KLRG1: variants seen among roughly 807,000 people sequenced by gnomAD.
KLRG1 encodes killer cell lectin-like receptor subfamily G member 1.
A neutral mutation model predicts 21.8 loss-of-function variants in KLRG1; 16 were observed. The observed-to-expected ratio is 0.73, with a 90% confidence interval of 0.50 to 1.11. KLRG1 has a LOEUF of 1.11. Ranked by LOEUF, KLRG1 falls within the 50% of genes most tolerant of loss-of-function variation. KLRG1 has a pLI of 0.00. For missense variants in KLRG1, 173 were observed against 218.3 expected (o/e 0.79, Z 1.31); for synonymous variants, 69 against 75.9 (o/e 0.91, Z 0.47).
At chr12:9,112,170 G>A in the KLRG1 span, 1 of 1,613,706 alleles carries the variant, frequency 6.2e-7, no homozygotes, top group South Asian at 1.1e-5. Context: ...AACTCATTCA[G>A]GGGGTGAAAG....
rs1362679982 is a variant in KLRG1 at position 8,989,675 on chromosome 12, A to G, written c.40A>G (p.Thr14Ala). 5 of 1,611,138 alleles carry G rather than the reference A, an allele frequency of 3.1e-6. No homozygotes were observed. Among genetic ancestry groups the G allele is most frequent in the East Asian group, 2.2e-5 (1 of 44,844 alleles). ...TATTTATTCCATGTTAGAGTTGCCT[A>G]CGGCAACCCAAGCCCAGAATGACTA... is the stretch of plus-strand genomic sequence containing the variant. The part of the protein sequence containing the change: ...SVIYSMLELP[T>A]ATQAQNDYGP... Residue 14 changes from threonine to alanine, a missense_variant, in exon 1 of 5, where the codon ACG becomes GCG. This residue lies in a region of KLRG1 where 144 missense variants were observed against 161.5 expected (regional missense o/e 0.89). Transcript: ENST00000356986.
the KLRG1 span, chr12:9,194,142 C>A: frequency 5.0e-6 from 8 of 1,613,878 alleles, no homozygotes; most frequent in African/African-American, 9.3e-5. Context: ...AGACCCTGCT[C>A]ATTGGTGGTT....
At chr12:9,185,731 T>C in the KLRG1 span, among the ~76,000 whole-genome samples, 4 of 151,588 alleles carry the variant, frequency 2.6e-5, no homozygotes, top group Non-Finnish European at 4.4e-5. Flanking sequence ...ATCAGACTAA[T>C]GGTGGGCCTC....
the KLRG1 span, chr12:9,091,347 C>A: frequency 1.5e-5 from 25 of 1,614,208 alleles, no homozygotes; most frequent in Non-Finnish European, 2.1e-5. Flanking sequence ...AGTCCAGCAT[C>A]TTCAGACAGG....
the KLRG1 span, among the ~76,000 whole-genome samples, chr12:9,043,813 T>G: frequency 6.6e-6 from 1 of 152,248 alleles, no homozygotes; most frequent in Non-Finnish European, 1.5e-5. Flanking sequence ...CTTCTTCCTA[T>G]AGTTTTTGAA....
chr12:9,068,893 T>C, the KLRG1 span: 21 of 1,334,030 alleles, frequency 1.6e-5, no homozygotes, highest in Non-Finnish European at 2.2e-5. Context: ...TTCTTCTCTC[T>C]TTGAATTAGT....
chr12:9,042,873 A>G, the KLRG1 span, among the ~76,000 whole-genome samples: 4 of 152,148 alleles, frequency 2.6e-5, no homozygotes, highest in African/African-American at 9.7e-5. Flanking sequence ...CAGAAAGCAG[A>G]GGGAAGAGGA....
the KLRG1 span, among the ~76,000 whole-genome samples, chr12:9,139,750 C>T: frequency 3.9e-5 from 6 of 152,116 alleles, no homozygotes; most frequent in African/African-American, 1.4e-4. Context: ...AGCCACTCCT[C>T]CTGTAAGAGT....
chr12:9,108,087 C>T, the KLRG1 span, among the ~76,000 whole-genome samples: 1 of 151,196 alleles, frequency 6.6e-6, no homozygotes. Flanking sequence ...ATCTCTATAT[C>T]GAGTTTCACT....
chr12:9,025,192 G>A, the KLRG1 span, among the ~76,000 whole-genome samples: 1 of 152,348 alleles, frequency 6.6e-6, no homozygotes, highest in African/African-American at 2.4e-5. Flanking sequence ...AGTTTAGATG[G>A]TTTGAAGTCT....
the KLRG1 span, chr12:9,160,235 T>C: frequency 1.5e-6 from 2 of 1,307,928 alleles, no homozygotes; most frequent in East Asian, 2.3e-5. Flanking sequence ...CATGGGTTAA[T>C]ATTTGATGAT....
chr12:9,157,925 G>C, the KLRG1 span: 3 of 1,114,800 alleles, frequency 2.7e-6, no homozygotes, highest in South Asian at 4.0e-5. Flanking sequence ...ACGCTCCTCA[G>C]TATCTGTTTC....
chr12:9,043,741 A>G, the KLRG1 span, among the ~76,000 whole-genome samples: 1 of 152,226 alleles, frequency 6.6e-6, no homozygotes, highest in Non-Finnish European at 1.5e-5. Context: ...GATGTACTTG[A>G]CTAATCAAAT....
At chr12:9,034,087 G>A in the KLRG1 span, among the ~76,000 whole-genome samples, 1 of 152,182 alleles carries the variant, frequency 6.6e-6, no homozygotes, top group East Asian at 1.9e-4. Flanking sequence ...TTTGTGTATT[G>A]TATCAGTCAG....
At chr12:9,158,424 A>G in the KLRG1 span, 5 of 1,614,068 alleles carry the variant, frequency 3.1e-6, no homozygotes, top group South Asian at 4.4e-5. Context: ...GTTCACCTTT[A>G]TGGCATTGTT....
At chr12:8,951,769 A>G (rs562941510) in intron 1 of KLRG1, among the ~76,000 whole-genome samples, 10 of 152,310 alleles carry the variant, frequency 6.6e-5, no homozygotes, top group African/African-American at 2.4e-4. Flanking sequence ...GGTTAATTCA[A>G]GTTTTGATTT....
At chr12:9,068,699 C>A in the KLRG1 span, 1 of 1,457,826 alleles carries the variant, frequency 6.9e-7, no homozygotes, top group South Asian at 1.2e-5. Flanking sequence ...TTTCTGTGAT[C>A]AGGAATTAAA....
the KLRG1 span, among the ~76,000 whole-genome samples, chr12:9,084,812 G>C: frequency 6.6e-6 from 1 of 152,062 alleles, no homozygotes; most frequent in Non-Finnish European, 1.5e-5. Context: ...GACACACATA[G>C]ACTGAAAGTG....
chr12:9,101,144 T>C, the KLRG1 span: 2 of 1,558,964 alleles, frequency 1.3e-6, no homozygotes, highest in African/African-American at 1.4e-5. Context: ...AAATACTCAC[T>C]GTCTTCCTGC....
Sources: gnomAD v4.1 joint callset for allele counts (sites outside exome capture counted in the v4.1 genomes callset) on GRCh38, gnomAD v4.1.1 for gene constraint, gnomAD v4.1.1 regional missense constraint, MANE v1.5 for transcripts, NCBI Gene and HGNC (gene_info 2026-07-23, HGNC 2026-07-21) for gene names.